Variants in CIP2A observed in about 807,000 individuals in gnomAD.
The protein encoded by CIP2A is cellular inhibitor of PP2A, also known as protein CIP2A.
CIP2A carries 103 observed loss-of-function variants against 110.9 expected under a neutral mutation model. The observed-to-expected ratio is 0.93, with a 90% CI of 0.79 to 1.09. The LOEUF (loss-of-function observed/expected upper bound fraction) is 1.09. CIP2A is among the 50% of genes least tolerant of loss of function. CIP2A has a pLI of 0.00. For missense variants in CIP2A, 1,088 were observed against 1,038.4 expected (o/e 1.05, Z -0.66); for synonymous variants, 381 against 361.6 (o/e 1.05, Z -0.61).
intron 2 of CIP2A, 92 bp from the exon 3 acceptor site, chr3:108,583,175 T>A: frequency 1.7e-6 from 1 of 595,536 alleles, no homozygotes; most frequent in Non-Finnish European, 2.7e-6. Flanking sequence ...GAATTTATTA[T>A]TAAAAAAGGT....
At chr3:108,570,445 CATT>C (rs1389075927) in intron 8 of CIP2A, among the ~76,000 whole-genome samples, 5 of 152,104 alleles carry the variant, frequency 3.3e-5, no homozygotes, top group Admixed American at 1.3e-4. Flanking sequence ...CTTAATGCAT[CATT>C]AATTCCGTTG....
At chr3:108,570,024 GAAT>G (rs1179646564) in intron 8 of CIP2A, among the ~76,000 whole-genome samples, 1 of 151,992 alleles carries the variant, frequency 6.6e-6, no homozygotes, top group Admixed American at 6.6e-5. Context: ...CTGTAGCATA[GAAT>G]ATAAAACCTT....
At chr3:108,568,450 G>T in intron 9 of CIP2A, 136 bp from the exon 10 acceptor site, 2 of 569,848 alleles carry the variant, frequency 3.5e-6, no homozygotes, top group Non-Finnish European at 5.7e-6. Context: ...AGTCTCCTGT[G>T]AATATTTAAA....
Position 108,560,663 on chromosome 3 carries a change from G to C in CIP2A, c.1813C>G (p.Gln605Glu). The change falls in exon 14 of 21, where the codon CAG (glutamine) becomes GAG (glutamate). Residue 605 changes from glutamine to glutamate, a missense_variant. Gln to Glu is a conservative substitution (Grantham distance 29). Coordinates refer to ENST00000295746, the MANE Select transcript of CIP2A (RefSeq NM_020890.3). The part of the protein sequence containing the change: ...LNIEELIEKL[Q>E]SGMVVKDQIC... ...TTTTCACTCACCACCATTCCAGACTGAAGTTTCTCTATTAATTCTTCAATA... is the reference window on the plus strand; with the variant it reads ...TTTTCACTCACCACCATTCCAGACTCAAGTTTCTCTATTAATTCTTCAATA... The C allele has an allele frequency of 3.1e-6, 5 of 1,605,566 alleles. No individual in the cohort carries two copies. Among genetic ancestry groups the C allele is most frequent in the African/African-American group, 1.3e-5 (1 of 74,430 alleles).
intron 17 of CIP2A, among the ~76,000 whole-genome samples, chr3:108,555,993 C>T (rs1329699030): frequency 6.6e-6 from 1 of 152,060 alleles, no homozygotes; most frequent in Non-Finnish European, 1.5e-5. Context: ...GGTGCAGATA[C>T]CTGGTTTTAC....
At chr3:108,575,303 C>T (rs987799435) in intron 8 of CIP2A, among the ~76,000 whole-genome samples, 13 of 137,972 alleles carry the variant, frequency 9.4e-5, no homozygotes, top group Admixed American at 3.4e-4. Flanking sequence ...CACACGTGTA[C>T]GTACACACAC....
chr3:108,553,121 G>GTTTTTTTTTTTT (rs768832281), intron 19 of CIP2A, among the ~76,000 whole-genome samples: 11 of 67,158 alleles, frequency 1.6e-4, no homozygotes, highest in Admixed American at 4.8e-4. Context: ...CTTTCCTTTT[G>GTTTTTTTTTTTT]TTTTTTTTTT....
chr3:108,573,835 A>G (rs1007771572), intron 8 of CIP2A, among the ~76,000 whole-genome samples: 1 of 152,162 alleles, frequency 6.6e-6, no homozygotes, highest in Non-Finnish European at 1.5e-5. Context: ...AAGTCATTCT[A>G]ATTTTTTTCT....
Position 108,565,139 on chromosome 3 carries a change from A to T in CIP2A, c.1515+216T>A, listed in dbSNP as rs1559693443. On this transcript the variant is annotated intron_variant, in intron 12 of 20. Coordinates refer to ENST00000295746, the MANE Select transcript of CIP2A (RefSeq NM_020890.3). ...CACTATTGTGAACATTCTCTACATT[A>T]GTGTCATGAGCACTTATGTTCAATT... Among the ~76,000 whole-genome samples the T allele has an allele frequency of 3.3e-5, 5 of 151,908 alleles. No homozygotes were observed. In the South Asian group the frequency reaches 1.0e-3, roughly 31 times the overall value.
In CIP2A at chr3:108,579,405, G is replaced by T; in HGVS notation, c.694C>A (p.His232Asn). ...GEKLFHARNIHQTFQLIFNIL... is the reference protein window; with the variant it reads ...GEKLFHARNINQTFQLIFNIL... ...TTAAATATTAGTTGAAAAGTCTGAT[G>T]AATGTTTCGAGCATGGAATAGCTTA... The change falls in exon 7 of 21, where the codon CAT (histidine) becomes AAT (asparagine). Residue 232 changes from histidine (H) to asparagine (N), a missense_variant. By Grantham distance (68) the His-to-Asn change is moderately conservative (BLOSUM62 1). Coordinates refer to ENST00000295746, the MANE Select transcript of CIP2A (RefSeq NM_020890.3). 6.2e-7 allele frequency: 1 copy of T among 1,609,136 alleles called. No homozygotes were observed. Among genetic ancestry groups the T allele is most frequent in the South Asian group, 1.1e-5 (1 of 90,340 alleles).
intron 11 of CIP2A, among the ~76,000 whole-genome samples, chr3:108,566,138 G>A (rs1162621777): frequency 1.3e-5 from 2 of 151,604 alleles, no homozygotes; most frequent in African/African-American, 2.4e-5. Flanking sequence ...TGATTTCCTT[G>A]TAATAAAACT....
chr3:108,567,299 A>C lies in CIP2A; in HGVS notation c.1274-661T>G, dbSNP rs2688249. 7.9e-3 allele frequency among the ~76,000 whole-genome samples: 1,191 copies of C among 151,640 alleles called. 24 individuals carry two copies. Among genetic ancestry groups the C allele is most frequent in the African/African-American group, 0.028 (1,147 of 41,440 alleles). ...ATTTTAGGTAGGAAATCAGGGTTGA[A>C]AGTCACTGCTTTAAAGGAAGAAAAT... On this transcript the variant is annotated intron_variant, in intron 10 of 20. Transcript: ENST00000295746.
intron 13 of CIP2A, 30 bp from the exon 14 acceptor site, chr3:108,560,871 A>G (rs748822529): frequency 4.8e-6 from 7 of 1,447,744 alleles, no homozygotes; most frequent in East Asian, 2.4e-5. Flanking sequence ...AGGAAAAAAA[A>G]ATTATACGAA....
At position 108,569,181 on chromosome 3, in the gene CIP2A, T is replaced by TAC. The variant is rs1553694636; in HGVS notation, c.1113+206_1113+207dup. 1.2e-4 allele frequency among the ~76,000 whole-genome samples: 7 copies of TAC among 58,274 alleles called. 2 individuals carry two copies. Among genetic ancestry groups the TAC allele is most frequent in the South Asian group, 7.3e-4 (1 of 1,368 alleles). 38.2% of individuals were successfully genotyped at this position (58,274 alleles called of 152,430 possible). A position where few individuals can be genotyped will look rare whatever the true frequency, so the allele number is the denominator to read the frequency against. On this transcript the variant is annotated intron_variant, in intron 9 of 20. Transcript: ENST00000295746. ...CTGAAATGAGCACTATATATATATA[T>TAC]ACATACACACTACTCAGTGAAAAAA...
rs529005687 is a variant in CIP2A, at chr3:108,565,554, G to A, written c.1416-100C>T. 15 of 610,090 alleles carry A rather than the reference G, an allele frequency of 2.5e-5. No individual in the cohort carries two copies. In the East Asian group the frequency reaches 3.0e-4, roughly 12 times the overall value. 37.8% of individuals were successfully genotyped at this position (610,090 alleles called of 1,614,324 possible). On this transcript the variant is annotated intron_variant, in intron 11 of 20. Transcript: ENST00000295746. ...GAAAATGAAAAAAACCAACACTTGT[G>A]TTTTTTAAATTCAAGATGATAAAGT...
At chr3:108,565,285 T>C in intron 12 of CIP2A, 70 bp downstream of exon 12, 1 of 770,390 alleles carries the variant, frequency 1.3e-6, no homozygotes, top group Non-Finnish European at 2.1e-6. Flanking sequence ...TTAAGAATAT[T>C]AAAACAGAAA....
chr3:108,585,905 TAC>T lies in CIP2A; in HGVS notation c.103-695_103-694del, dbSNP rs112253293. 9.9e-3 allele frequency: 3,656 copies of T among 369,906 alleles called. 1 individual carries two copies. Among genetic ancestry groups the T allele is most frequent in the South Asian group, 0.013 (652 of 48,458 alleles). The allele number at this position is 369,906 out of a possible 1,614,324, so 22.9% of individuals were successfully genotyped here. A position where few individuals can be genotyped will look rare whatever the true frequency, so the allele number is the denominator to read the frequency against. Reference sequence around the variant, plus strand: ...ATACACGCATGCACAGACACATACATACACACACACACACACAGAGTGAAAGA... The same window carrying T: ...ATACACGCATGCACAGACACATACATACACACACACACACAGAGTGAAAGA... On this transcript the variant is annotated intron_variant, in intron 1 of 20. Transcript: ENST00000295746.
At chr3:108,580,488 A>G (rs1438928546) in intron 5 of CIP2A, among the ~76,000 whole-genome samples, 3 of 142,790 alleles carry the variant, frequency 2.1e-5, no homozygotes, top group Admixed American at 7.1e-5. Flanking sequence ...CTCCACCTCC[A>G]AAGTAAGACC....
chr3:108,581,630 G>GC (rs764891707), intron 4 of CIP2A, 119 bp from the exon 5 acceptor site: 3 of 590,868 alleles, frequency 5.1e-6, no homozygotes, highest in Admixed American at 3.0e-5. Context: ...CCTTTTACAC[G>GC]CAAAAAAAAA....
Sources: allele counts gnomAD v4.1 joint callset (sites outside exome capture counted in the v4.1 genomes callset), GRCh38; gene constraint gnomAD v4.1.1; transcripts MANE v1.5; gene names NCBI Gene and HGNC (gene_info 2026-07-23, HGNC 2026-07-21).